Variants in ZNF277 observed in about 807,000 individuals in gnomAD.
ZNF277 encodes the protein nuclear receptor-interacting factor 4.
In ZNF277, 55 loss-of-function variants were observed where a neutral mutation model predicts 60.7. That is an observed-to-expected ratio of 0.91 (90% CI 0.73 to 1.13). ZNF277 has a LOEUF of 1.13. Ranked by LOEUF, ZNF277 falls within the 50% of genes most tolerant of loss-of-function variation. The probability of loss-of-function intolerance (pLI) is 0.00; values close to 1 mark genes in which losing one functional copy is unlikely to be tolerated. For missense variants in ZNF277, 510 were observed against 523.0 expected (o/e 0.98, Z 0.24); for synonymous variants, 178 against 179.3 (o/e 0.99, Z 0.06).
At chr7:112,262,820 A>G (rs1472968343) in intron 1 of ZNF277, among the ~76,000 whole-genome samples, 2 of 152,184 alleles carry the variant, frequency 1.3e-5, no homozygotes, top group Admixed American at 1.3e-4. Context: ...GCCTAACTTC[A>G]TAGGGACTTA....
At chr7:112,258,334 G>A (rs1197923495) in intron 1 of ZNF277, among the ~76,000 whole-genome samples, 1 of 151,124 alleles carries the variant, frequency 6.6e-6, no homozygotes, top group East Asian at 1.9e-4. Context: ...AAGGGATGAT[G>A]TCAAATTATA....
intron 1 of ZNF277, among the ~76,000 whole-genome samples, chr7:112,220,703 T>TG (rs902503683): frequency 6.6e-6 from 1 of 152,172 alleles, no homozygotes; most frequent in African/African-American, 2.4e-5. Context: ...TAAGCCTAGC[T>TG]GGGAAGGTGA....
chr7:112,275,143 C>T lies in ZNF277; in HGVS notation c.92-11730C>T, dbSNP rs886664449. On this transcript the variant is annotated intron_variant, in intron 1 of 11. Transcript: ENST00000361822. ...CCTTTACTGTTGAAAAATCATCCTA[C>T]ATTTATATTCCCAAATCCCTAATGT... Among the ~76,000 whole-genome samples the T allele has an allele frequency of 4.5e-4, 69 of 152,152 alleles. 1 individual carries two copies. The highest frequency in any genetic ancestry group is 8.4e-4 in the Non-Finnish European group (57 of 68,016).
chr7:112,227,676 T>A (rs1334080560), intron 1 of ZNF277, among the ~76,000 whole-genome samples: 2 of 152,224 alleles, frequency 1.3e-5, no homozygotes, highest in Non-Finnish European at 2.9e-5. Flanking sequence ...AGTTATATTT[T>A]GTAAATATTG....
chr7:112,249,963 A>G (rs1791166171), intron 1 of ZNF277, among the ~76,000 whole-genome samples: 1 of 152,212 alleles, frequency 6.6e-6, no homozygotes, highest in Non-Finnish European at 1.5e-5. Context: ...AAAAAAGAAC[A>G]GGATAACAGC....
intron 7 of ZNF277, among the ~76,000 whole-genome samples, chr7:112,334,370 C>G (rs1793288103): frequency 6.7e-6 from 1 of 149,280 alleles, no homozygotes; most frequent in South Asian, 2.1e-4. Flanking sequence ...GATTCATTAG[C>G]AGGCACAGTG....
chr7:112,247,930 T>A (rs996042279), intron 1 of ZNF277, among the ~76,000 whole-genome samples: 1 of 151,470 alleles, frequency 6.6e-6, no homozygotes, highest in Non-Finnish European at 1.5e-5. Flanking sequence ...ACCATGCCAT[T>A]GCACTCTAGC....
intron 4 of ZNF277, among the ~76,000 whole-genome samples, chr7:112,314,961 G>T (rs182656711): frequency 6.6e-6 from 1 of 152,052 alleles, no homozygotes; most frequent in Non-Finnish European, 1.5e-5. Flanking sequence ...GTGTAATTAC[G>T]TATTTGCAGA....
chr7:112,330,548 C>CTTCTTT (rs1793204568), intron 7 of ZNF277: 5 of 108,052 alleles, frequency 4.6e-5, no homozygotes, highest in African/African-American at 1.8e-4. Flanking sequence ...AGACTCCTTT[C>CTTCTTT]TTTTTTTTTT....
chr7:112,317,238 A>T (rs1461387787), intron 4 of ZNF277, among the ~76,000 whole-genome samples: 1 of 152,142 alleles, frequency 6.6e-6, no homozygotes, highest in African/African-American at 2.4e-5. Flanking sequence ...ACCATGGCAC[A>T]TGTGGCACAT....
intron 5 of ZNF277, among the ~76,000 whole-genome samples, chr7:112,319,241 A>G (rs1271536702): frequency 6.6e-6 from 1 of 151,936 alleles, no homozygotes; most frequent in African/African-American, 2.4e-5. Context: ...CTCTAATCAT[A>G]TGGTTGGTCT....
chr7:112,224,789 A>G (rs1822134797), intron 1 of ZNF277, among the ~76,000 whole-genome samples: 1 of 152,216 alleles, frequency 6.6e-6, no homozygotes, highest in African/African-American at 2.4e-5. Context: ...AGTAGCAAGG[A>G]CACAGCTACA....
chr7:112,278,311 C>A (rs1791860316), intron 1 of ZNF277, among the ~76,000 whole-genome samples: 1 of 152,198 alleles, frequency 6.6e-6, no homozygotes, highest in African/African-American at 2.4e-5. Flanking sequence ...ATTACTTTTG[C>A]ACCAACCTAA....
At chr7:112,273,196 T>A (rs1215877379) in intron 1 of ZNF277, among the ~76,000 whole-genome samples, 3 of 152,166 alleles carry the variant, frequency 2.0e-5, no homozygotes, top group African/African-American at 7.2e-5. Flanking sequence ...CCAAGTGCAC[T>A]TTAGCCCGTG....
At chr7:112,321,512 C>T (rs751050872) in intron 5 of ZNF277, among the ~76,000 whole-genome samples, 43 of 151,934 alleles carry the variant, frequency 2.8e-4, no homozygotes, top group Non-Finnish European at 1.0e-4. Context: ...CATAAAAATG[C>T]GATTATACTG....
intron 4 of ZNF277, among the ~76,000 whole-genome samples, chr7:112,315,886 G>A (rs1352588375): frequency 6.6e-6 from 1 of 152,094 alleles, no homozygotes; most frequent in Non-Finnish European, 1.5e-5. Flanking sequence ...TGGGTATTTT[G>A]TAAGAAAGAT....
chr7:112,332,222 C>T (rs1793242828), intron 7 of ZNF277, among the ~76,000 whole-genome samples: 1 of 151,942 alleles, frequency 6.6e-6, no homozygotes, highest in Non-Finnish European at 1.5e-5. Flanking sequence ...TGATAGAAGT[C>T]TTTTTTTTAG....
intron 1 of ZNF277, among the ~76,000 whole-genome samples, chr7:112,250,356 A>G (rs1791176484): frequency 6.6e-6 from 1 of 152,106 alleles, no homozygotes; most frequent in South Asian, 2.1e-4. Context: ...AGCAATTTTA[A>G]TTTAGCCTCG....
chr7:112,240,413 G>C (rs986786909), intron 1 of ZNF277, among the ~76,000 whole-genome samples: 1 of 152,080 alleles, frequency 6.6e-6, no homozygotes, highest in Admixed American at 6.6e-5. Flanking sequence ...ATAACTAAAA[G>C]ATATAATTGG....
Sources: allele counts gnomAD v4.1 joint callset (sites outside exome capture counted in the v4.1 genomes callset), GRCh38; gene constraint gnomAD v4.1.1; transcripts MANE v1.5; gene names NCBI Gene and HGNC (gene_info 2026-07-23, HGNC 2026-07-21).